Variants in PCDHGA11 observed in about 807,000 individuals in gnomAD.
PCDHGA11 encodes the protein protocadherin gamma subfamily A, 11.
Under a neutral mutation model 60.4 loss-of-function variants are expected in PCDHGA11, and 39 were observed. That is an observed-to-expected ratio of 0.65 (90% confidence interval 0.50 to 0.84). The LOEUF is 0.84. Among genes scored for constraint, PCDHGA11 ranks in the 40% least tolerant of loss-of-function variants. PCDHGA11 has a pLI of 0.00. For synonymous variants in PCDHGA11, 533 were observed against 510.3 expected, an observed-to-expected ratio of 1.04 and a Z score of -0.60; for missense variants, 1,165 against 1,197.7, an observed-to-expected ratio of 0.97 and a Z score of 0.40.
At position 141,480,425 on chromosome 5, in the gene PCDHGA11, AT is replaced by A. The variant is rs553131122; in HGVS notation, c.2434-14380del. On this transcript the variant is annotated intron_variant, in intron 1 of 3. Transcript: ENST00000398587. ...GTGAGACCCTGTCTCAAAAAAAAAA[AT>A]TATCAGCTATTACTATAATTATTTT... 2.3e-4 allele frequency among the ~76,000 whole-genome samples: 34 copies of A among 149,340 alleles called. 1 individual carries two copies. In the South Asian group the frequency reaches 6.0e-3, roughly 26 times the overall value.
At chr5:141,424,628 A>C (rs962512805) in intron 1 of PCDHGA11, 3 of 152,348 alleles carry the variant, frequency 2.0e-5, no homozygotes, top group African/African-American at 7.2e-5. Flanking sequence ...GTTTGTGAAT[A>C]TATAAATAGA....
chr5:141,459,595 T>C (rs904266180), intron 1 of PCDHGA11, among the ~76,000 whole-genome samples: 10 of 152,232 alleles, frequency 6.6e-5, no homozygotes, highest in African/African-American at 9.6e-5. Context: ...TCATATGAAA[T>C]GGGAAGTATA....
chr5:141,504,315 A>G (rs573050088), intron 2 of PCDHGA11, among the ~76,000 whole-genome samples: 1 of 152,248 alleles, frequency 6.6e-6, no homozygotes, highest in East Asian at 1.9e-4. Flanking sequence ...AGTTTCTAAA[A>G]GTCTCACTTA....
rs1203060261 is a variant in PCDHGA11, at chr5:141,493,037, AG to A, written c.2434-1768del. 3.3e-5 allele frequency among the ~76,000 whole-genome samples: 5 copies of A among 152,252 alleles called. No individual in the cohort carries two copies. The highest frequency in any genetic ancestry group is 2.6e-4 in the Admixed American group (4 of 15,290). ...AGATGCCAGGGTGCCCTTATGTGTG[AG>A]GAAACTACAATAGTAAAAAACACAA... is the stretch of plus-strand genomic sequence containing the variant. On this transcript the variant is annotated intron_variant, in intron 1 of 3. Transcript: ENST00000398587. This position sits in a 1 kb window ranked among gnomAD's most constrained non-coding sequence, Gnocchi z 4.3.
At chr5:141,430,384 A>G (rs547268242) in intron 1 of PCDHGA11, among the ~76,000 whole-genome samples, 32 of 122,116 alleles carry the variant, frequency 2.6e-4, no homozygotes, top group East Asian at 6.6e-4. Context: ...GCTCATTGGG[A>G]AAAAAAAAAA....
Position 141,490,685 on chromosome 5 carries a change from A to G in PCDHGA11, c.2434-4122A>G, listed in dbSNP as rs2099703028. On this transcript the variant is annotated intron_variant, in intron 1 of 3. Coordinates refer to ENST00000398587, the MANE Select transcript of PCDHGA11 (RefSeq NM_018914.3). The surrounding 1 kb of genome is among the most constrained non-coding windows in gnomAD (Gnocchi z 5.4). ...TGCACTGTGGCTGCCTCAGATCCAGACACTGGGGATAATGCCCGCCTCACC... is the reference window on the plus strand; with the variant it reads ...TGCACTGTGGCTGCCTCAGATCCAGGCACTGGGGATAATGCCCGCCTCACC... The G allele has an allele frequency of 1.9e-6, 3 of 1,614,030 alleles. No individual in the cohort carries two copies. Among genetic ancestry groups the G allele is most frequent in the South Asian group, 2.2e-5 (2 of 91,082 alleles).
In PCDHGA11 at chr5:141,485,848, C is replaced by T; in HGVS notation, c.2434-8959C>T. On this transcript the variant is annotated intron_variant, in intron 1 of 3. Coordinates refer to ENST00000398587, the MANE Select transcript of PCDHGA11 (RefSeq NM_018914.3). This position sits in a 1 kb window ranked among gnomAD's most constrained non-coding sequence, Gnocchi z 5.7. ...GAGGGAACCCGCCGAGATCTGGCAC[C>T]GCAGAGCTCCGGGTATCCGTGCTGG... The T allele has an allele frequency of 1.2e-6, 2 of 1,614,194 alleles. No homozygotes were observed. Among genetic ancestry groups the T allele is most frequent in the South Asian group, 2.2e-5 (2 of 91,080 alleles).
intron 1 of PCDHGA11, among the ~76,000 whole-genome samples, chr5:141,484,096 G>T (rs539388257): frequency 6.6e-6 from 1 of 152,244 alleles, no homozygotes; most frequent in Non-Finnish European, 1.5e-5. Flanking sequence ...GTCTTCGTTG[G>T]TAATTAACAA....
In PCDHGA11 at chr5:141,485,433, A is replaced by G. The variant is rs2099613324; in HGVS notation, c.2434-9374A>G. On this transcript the variant is annotated intron_variant, in intron 1 of 3. Transcript: ENST00000398587. The surrounding 1 kb of genome is among the most constrained non-coding windows in gnomAD (Gnocchi z 5.7). The stretch of plus-strand genomic sequence containing the variant: ...TTGGACAGCGGAGCCCTGCTCATCA[A>G]GAACCCAATCGACCGAGAGGCACTG... 6 of 1,614,208 alleles carry G rather than the reference A, an allele frequency of 3.7e-6. No homozygotes were observed. Among genetic ancestry groups the G allele is most frequent in the Non-Finnish European group, 5.1e-6 (6 of 1,180,030 alleles).
At chr5:141,427,773 C>T (rs1285483564) in intron 1 of PCDHGA11, 1 of 1,414,460 alleles carries the variant, frequency 7.1e-7, no homozygotes, top group Non-Finnish European at 9.9e-7. Flanking sequence ...CTTGGAGCTG[C>T]GGGCACTGTC....
intron 1 of PCDHGA11, among the ~76,000 whole-genome samples, chr5:141,462,459 CTG>C (rs2099040203): frequency 6.6e-6 from 1 of 152,010 alleles, no homozygotes; most frequent in African/African-American, 2.4e-5. Flanking sequence ...TAACTGAAAA[CTG>C]TGTATTCTGC....
chr5:141,485,441 A>T lies in PCDHGA11; in HGVS notation c.2434-9366A>T. On this transcript the variant is annotated intron_variant, in intron 1 of 3. Coordinates refer to ENST00000398587, the MANE Select transcript of PCDHGA11 (RefSeq NM_018914.3). The surrounding 1 kb of genome is among the most constrained non-coding windows in gnomAD (Gnocchi z 5.7). ...CGGAGCCCTGCTCATCAAGAACCCA[A>T]TCGACCGAGAGGCACTGTGTGGGCT... is the stretch of plus-strand genomic sequence containing the variant. The T allele has an allele frequency of 6.2e-7, 1 of 1,613,910 alleles. No homozygotes were observed. The highest frequency in any genetic ancestry group is 1.1e-5 in the South Asian group (1 of 91,062).
At chr5:141,446,891 C>A (rs1457416718) in intron 1 of PCDHGA11, among the ~76,000 whole-genome samples, 1 of 152,152 alleles carries the variant, frequency 6.6e-6, no homozygotes, top group Non-Finnish European at 1.5e-5. Context: ...GGGTTCATGG[C>A]TGAGCTACTT....
Position 141,431,646 on chromosome 5 carries a change from G to A in PCDHGA11, c.2433+7986G>A. ...GCGGCCCAAGTTTTCAAACTAGATT[G>A]TAATTCAGGGACAATATCAACAATA... On this transcript the variant is annotated intron_variant, in intron 1 of 3. Coordinates refer to ENST00000398587, the MANE Select transcript of PCDHGA11 (RefSeq NM_018914.3). The surrounding 1 kb of genome is among the most constrained non-coding windows in gnomAD (Gnocchi z 4.8). 2 of 1,614,252 alleles carry A rather than the reference G, an allele frequency of 1.2e-6. No individual in the cohort carries two copies. Among genetic ancestry groups the A allele is most frequent in the Non-Finnish European group, 1.7e-6 (2 of 1,180,046 alleles).
Position 141,510,985 on chromosome 5 carries a change from G to A in PCDHGA11, c.2620G>A (p.Gly874Ser), listed in dbSNP as rs1278517639. Residue 874 changes from glycine to serine, a missense_variant, in exon 4 of 4, where the codon GGC becomes AGC. Transcript: ENST00000398587. ...DGSSTLGGGA[G>S]TMGLSARYGP... ...GAGCTCCACCCTGGGAGGGGGTGCCGGCACCATGGGATTGAGCGCCCGCTA... is the reference window on the plus strand; with the variant it reads ...GAGCTCCACCCTGGGAGGGGGTGCCAGCACCATGGGATTGAGCGCCCGCTA... 19 of 1,614,090 alleles carry A rather than the reference G, an allele frequency of 1.2e-5. No individual in the cohort carries two copies. The highest frequency in any genetic ancestry group is 2.2e-5 in the East Asian group (1 of 44,880).
rs1219045744 is a variant in PCDHGA11 at position 141,476,783 on chromosome 5, G to T, written c.2434-18024G>T. The stretch of plus-strand genomic sequence containing the variant: ...GACGGCGTTGGACGGAGGGACCCCA[G>T]CTCTCTCCGCCAGCCTGCCTATTCA... On this transcript the variant is annotated intron_variant, in intron 1 of 3. Transcript: ENST00000398587. The surrounding 1 kb of genome is among the most constrained non-coding windows in gnomAD (Gnocchi z 7.6). 5 of 1,613,392 alleles carry T rather than the reference G, an allele frequency of 3.1e-6. No homozygotes were observed. The highest frequency in any genetic ancestry group is 2.7e-5 in the African/African-American group (2 of 74,930).
intron 3 of PCDHGA11, among the ~76,000 whole-genome samples, chr5:141,505,926 G>T (rs114056147): frequency 6.6e-6 from 1 of 152,146 alleles, no homozygotes; most frequent in African/African-American, 2.4e-5. Flanking sequence ...TGGGCCTGGC[G>T]CTTGGAAGCC....
chr5:141,425,530 A>G (rs1485711838), intron 1 of PCDHGA11, among the ~76,000 whole-genome samples: 1 of 152,246 alleles, frequency 6.6e-6, no homozygotes, highest in Non-Finnish European at 1.5e-5. Flanking sequence ...ACATGAAACA[A>G]TAATCCTTTT....
In PCDHGA11 at chr5:141,450,826, A is replaced by AT. The variant is rs764729742; in HGVS notation, c.2433+27168dup. On this transcript the variant is annotated intron_variant, in intron 1 of 3. Coordinates refer to ENST00000398587, the MANE Select transcript of PCDHGA11 (RefSeq NM_018914.3). ...TATTTATTTATTTAATATTATTATT[A>AT]TTATTTTTTTTTTTTTGAGATGGGG... Among the ~76,000 whole-genome samples, 613 of 134,334 alleles carry AT rather than the reference A, an allele frequency of 4.6e-3. 5 individuals are homozygous for AT. Among genetic ancestry groups the AT allele is most frequent in the African/African-American group, 9.0e-3 (309 of 34,288 alleles). 88.1% of individuals were successfully genotyped at this position (134,334 alleles called of 152,430 possible).
Sources: gnomAD v4.1 joint callset for allele counts (sites outside exome capture counted in the v4.1 genomes callset) on GRCh38, gnomAD v4.1.1 for gene constraint, Gnocchi (gnomAD v3.1) non-coding constraint, MANE v1.5 for transcripts, NCBI Gene and HGNC (gene_info 2026-07-23, HGNC 2026-07-21) for gene names.